Variants in ZMYND11 observed in about 807,000 individuals in gnomAD.
The protein encoded by ZMYND11 is zinc finger MYND-type containing 11, also known as zinc finger MYND domain-containing protein 11.
A neutral mutation model predicts 84.9 loss-of-function variants in ZMYND11; 9 were observed. The observed-to-expected ratio is 0.11, with a 90% CI of 0.06 to 0.18. ZMYND11 has a LOEUF of 0.18. ZMYND11 is among the 10% of genes least tolerant of loss of function. The probability of loss-of-function intolerance (pLI) is 1.00; values close to 1 mark genes in which losing one functional copy is unlikely to be tolerated. For missense variants in ZMYND11, 409 were observed against 761.0 expected (o/e 0.54, Z 5.44); for synonymous variants, 250 against 244.1 (o/e 1.02, Z -0.23).
At chr10:204,914 T>A (rs572294470) in intron 2 of ZMYND11, among the ~76,000 whole-genome samples, 11 of 151,886 alleles carry the variant, frequency 7.2e-5, no homozygotes, top group African/African-American at 2.4e-4. Flanking sequence ...TTCAAATATT[T>A]TATGTAGGAT....
chr10:159,666 T>C (rs146291498), intron 1 of ZMYND11, among the ~76,000 whole-genome samples: 2 of 152,326 alleles, frequency 1.3e-5, no homozygotes, highest in Non-Finnish European at 2.9e-5. Context: ...GTTGCAAATA[T>C]TTCTTACACT....
At chr10:182,236 C>T (rs1848030701) in intron 2 of ZMYND11, among the ~76,000 whole-genome samples, 1 of 152,132 alleles carries the variant, frequency 6.6e-6, no homozygotes, top group African/African-American at 2.4e-5. Flanking sequence ...TGGCAGATAC[C>T]TGTTGGATTA....
chr10:207,867 A>G (rs1227377486), intron 2 of ZMYND11, among the ~76,000 whole-genome samples: 1 of 152,208 alleles, frequency 6.6e-6, no homozygotes, highest in Non-Finnish European at 1.5e-5. Flanking sequence ...GAATAAAGCC[A>G]GAGGCATCAC....
chr10:143,918 C>T (rs1419490578), intron 1 of ZMYND11, among the ~76,000 whole-genome samples: 2 of 151,552 alleles, frequency 1.3e-5, no homozygotes, highest in African/African-American at 4.9e-5. Context: ...GCGGGCAGAT[C>T]ACTTGAGCCC....
intron 2 of ZMYND11, among the ~76,000 whole-genome samples, chr10:197,138 G>A (rs1941987458): frequency 6.6e-6 from 1 of 151,454 alleles, no homozygotes; most frequent in African/African-American, 2.4e-5. Context: ...CGTGCACATT[G>A]TATTCATGTA....
intron 9 of ZMYND11, 40 bp from the exon 10 acceptor site, chr10:241,981 T>A (rs760869758): frequency 1.2e-6 from 2 of 1,605,080 alleles, no homozygotes; most frequent in South Asian, 2.2e-5. Context: ...CATTTAATAC[T>A]TTAAAAGTAA....
chr10:153,551 C>T (rs1840936278), intron 1 of ZMYND11, among the ~76,000 whole-genome samples: 2 of 152,124 alleles, frequency 1.3e-5, no homozygotes, highest in African/African-American at 2.4e-5. Context: ...GGCATACATT[C>T]TATTTATATC....
Position 228,764 on chromosome 10 carries a change from G to A in ZMYND11, c.438+7408G>A, listed in dbSNP as rs370685547. On this transcript the variant is annotated intron_variant, in intron 4 of 14. Transcript: ENST00000381604. ...GTTATGTAGAAGGGGAAAGGAACAA[G>A]TAGATACCAAACCTGTGTTCCATAA... Among the ~76,000 whole-genome samples, 6 of 152,298 alleles carry A rather than the reference G, an allele frequency of 3.9e-5. No individual in the cohort carries two copies. The East Asian group carries it at 5.8e-4, about 15-fold the overall frequency.
chr10:218,516 CTA>C (rs1309406426), intron 3 of ZMYND11: 3 of 379,950 alleles, frequency 7.9e-6, no homozygotes, highest in Non-Finnish European at 1.6e-5. Context: ...TAATTTTGCA[CTA>C]TGTTATTTTA....
At chr10:239,339 G>C (rs1204380561) in intron 6 of ZMYND11, 99 bp from the exon 7 acceptor site, 2 of 938,160 alleles carry the variant, frequency 2.1e-6, no homozygotes, top group Admixed American at 4.2e-5. Context: ...TAGTCATCCT[G>C]ATGTCATCCT....
chr10:188,206 C>A (rs933100687), intron 2 of ZMYND11, among the ~76,000 whole-genome samples: 2 of 152,006 alleles, frequency 1.3e-5, no homozygotes, highest in Non-Finnish European at 2.9e-5. Flanking sequence ...CCTCGTTTTA[C>A]ACATTATAAA....
intron 1 of ZMYND11, among the ~76,000 whole-genome samples, chr10:173,849 A>G (rs1554766324): frequency 1.3e-5 from 2 of 152,226 alleles, no homozygotes; most frequent in African/African-American, 4.8e-5. Flanking sequence ...TAAAACATCA[A>G]TGAGGTATTA....
intron 1 of ZMYND11, among the ~76,000 whole-genome samples, chr10:154,242 C>T (rs1323147807): frequency 2.0e-5 from 3 of 152,128 alleles, no homozygotes; most frequent in Non-Finnish European, 4.4e-5. Context: ...AACTCAAGGC[C>T]AGTAGCACTA....
chr10:188,518 G>A (rs1203153210), intron 2 of ZMYND11, among the ~76,000 whole-genome samples: 1 of 151,188 alleles, frequency 6.6e-6, no homozygotes, highest in Non-Finnish European at 1.5e-5. Context: ...GCTTGAGCCT[G>A]GAAGGTTGAG....
chr10:136,825 T>G (rs1219980933), intron 1 of ZMYND11, among the ~76,000 whole-genome samples: 2 of 152,068 alleles, frequency 1.3e-5, no homozygotes, highest in African/African-American at 4.8e-5. Flanking sequence ...GCACCCAGTG[T>G]CATATACAGC....
At chr10:198,392 A>T (rs1007304822) in intron 2 of ZMYND11, among the ~76,000 whole-genome samples, 7 of 152,290 alleles carry the variant, frequency 4.6e-5, no homozygotes, top group Middle Eastern at 3.4e-3. Flanking sequence ...ATTTTTAAAA[A>T]AAAAGTATAA....
In ZMYND11 at chr10:247,013, CTTTT is replaced by C. The variant is rs774228811; in HGVS notation, c.1158+41_1158+44del. 5.5e-5 allele frequency: 84 copies of C among 1,530,484 alleles called. No homozygotes were observed. In the South Asian group the frequency reaches 9.9e-4, roughly 18 times the overall value. 94.8% of individuals were successfully genotyped at this position (1,530,484 alleles called of 1,614,324 possible). A position where few individuals can be genotyped will look rare whatever the true frequency, so the allele number is the denominator to read the frequency against. On this transcript the variant is annotated intron_variant, in intron 11 of 14. Coordinates refer to ENST00000381604, the MANE Select transcript of ZMYND11 (RefSeq NM_001370100.5). ...GGAAGGAAGTGCCTATTCATTATTA[CTTTT>C]AAATGCAGAAATCTTAGTGCACACT...
chr10:252,365 G>A lies in ZMYND11; in HGVS notation c.1704G>A (p.Glu568=). ...ACCTGCAGTGCTACAACTGTGAGGA[G>A]GAGGCCATGTACCACTGCTGCTGGA... ...KKKQWCYNCE[E]EAMYHCCWNT... is the part of the protein sequence containing the mutation. The change falls in exon 15 of 15, where the codon GAG becomes GAA. Residue 568 remains glutamate (E), a synonymous_variant. Coordinates refer to ENST00000381604, the MANE Select transcript of ZMYND11 (RefSeq NM_001370100.5). The surrounding 1 kb of genome is among the most constrained non-coding windows in gnomAD (Gnocchi z 4.6). 3.1e-6 allele frequency: 5 copies of A among 1,614,084 alleles called. No homozygotes were observed. The highest frequency in any genetic ancestry group is 4.2e-6 in the Non-Finnish European group (5 of 1,180,006).
chr10:186,176 A>AT (rs550685680), intron 2 of ZMYND11, among the ~76,000 whole-genome samples: 22 of 151,146 alleles, frequency 1.5e-4, no homozygotes, highest in African/African-American at 3.1e-4. Context: ...TGCCTGGCTA[A>AT]TTTTTTTTGT....
Sources: gnomAD v4.1 joint callset for allele counts (sites outside exome capture counted in the v4.1 genomes callset) on GRCh38, gnomAD v4.1.1 for gene constraint, Gnocchi (gnomAD v3.1) non-coding constraint, MANE v1.5 for transcripts, NCBI Gene and HGNC (gene_info 2026-07-23, HGNC 2026-07-21) for gene names.